Variants in FBN3 observed in about 807,000 individuals in gnomAD.
FBN3 encodes fibrillin 3, also known as fibrillin-3.
In FBN3, 234 loss-of-function variants were observed where a neutral mutation model predicts 330.1. The ratio of observed to expected loss-of-function variants is 0.71; its 90% CI spans 0.64 to 0.79. The LOEUF (loss-of-function observed/expected upper bound fraction) is 0.79. Among genes scored for constraint, FBN3 ranks in the 30% least tolerant of loss-of-function variants. The probability of loss-of-function intolerance (pLI) is 0.00; values close to 1 mark genes in which losing one functional copy is unlikely to be tolerated. For synonymous variants in FBN3, 1,458 were observed against 1,517.3 expected (o/e 0.96, Z 0.91); for missense variants, 3,606 against 3,886.9 (o/e 0.93, Z 1.92).
intron 59 of FBN3, among the ~76,000 whole-genome samples, chr19:8,076,792 C>T (rs1429573133): frequency 1.2e-4 from 19 of 152,148 alleles, no homozygotes; most frequent in Non-Finnish European, 1.5e-5. Flanking sequence ...GATAGGATCT[C>T]ATTCTGTCCC....
In FBN3 at chr19:8,096,177, ACCTAGCCCTG is replaced by A. The variant is rs1365875901; in HGVS notation, c.5540-107_5540-98del. On this transcript the variant is annotated intron_variant, in intron 44 of 63. Coordinates refer to ENST00000600128, the MANE Select transcript of FBN3 (RefSeq NM_032447.5). The surrounding 1 kb of genome is among the most constrained non-coding windows in gnomAD (Gnocchi z 4.6). ...GCTGGACCTAGCACTCCTCCCCTGC[ACCTAGCCCTG>A]CCTAGATGACTGGGCAGTGACCCCT... 1.0e-6 allele frequency: 1 copy of A among 986,170 alleles called. No individual in the cohort carries two copies. The highest frequency in any genetic ancestry group is 2.8e-4 in the Middle Eastern group (1 of 3,538). The allele number at this position is 986,170 out of a possible 1,614,324, so 61.1% of individuals were successfully genotyped here.
At chr19:8,093,300 C>T (rs537934634) in intron 47 of FBN3, among the ~76,000 whole-genome samples, 4 of 151,980 alleles carry the variant, frequency 2.6e-5, no homozygotes, top group Admixed American at 2.6e-4. Context: ...CCAGCCTGGC[C>T]ATCATGGTGA....
chr19:8,081,628 G>A (rs2081787511), intron 57 of FBN3, 148 bp from the exon 58 acceptor site: 3 of 868,972 alleles, frequency 3.5e-6, no homozygotes, highest in East Asian at 2.7e-5. Context: ...AAAGCCAGGT[G>A]GGAAATACAT....
At chr19:8,148,847 G>A (rs2083611716) in intron 1 of FBN3, 1 of 152,334 alleles carries the variant, frequency 6.6e-6, no homozygotes, top group African/African-American at 2.4e-5. Flanking sequence ...AGTTGTCCGG[G>A]TCAGTCCGCA....
Position 8,092,318 on chromosome 19 carries a change from A to G in FBN3, c.5906-728T>C, listed in dbSNP as rs1035429532. Among the ~76,000 whole-genome samples the G allele has an allele frequency of 3.3e-5, 5 of 152,162 alleles. No homozygotes were observed. The South Asian group carries it at 6.2e-4, about 19-fold the overall frequency. On this transcript the variant is annotated intron_variant, in intron 47 of 63. Coordinates refer to ENST00000600128, the MANE Select transcript of FBN3 (RefSeq NM_032447.5). ...CATGTTTATAGCAACACAATTCACA[A>G]TCGCAAAAATCTGGAGCCATCATAT...
rs1599347475 is a variant in FBN3, at chr19:8,103,250, G to A, written c.4939+312C>T. On this transcript the variant is annotated intron_variant, in intron 39 of 63. Coordinates refer to ENST00000600128, the MANE Select transcript of FBN3 (RefSeq NM_032447.5). ...CCACTGCACTCCAGCCTGGGTGACA[G>A]AGTGAGACTCTATCTCAAAAAAAAA... is the stretch of plus-strand genomic sequence containing the variant. Among the ~76,000 whole-genome samples, 7 of 132,598 alleles carry A rather than the reference G, an allele frequency of 5.3e-5. 1 individual carries two copies. The highest frequency in any genetic ancestry group is 2.0e-4 in the African/African-American group (7 of 35,580). The allele number at this position is 132,598 out of a possible 152,430, so 87.0% of individuals were successfully genotyped here.
At position 8,131,547 on chromosome 19, in the gene FBN3, T is replaced by C. The variant is rs2083147309; in HGVS notation, c.1990+7A>G. 1 of 1,599,832 alleles carries C rather than the reference T, an allele frequency of 6.3e-7. No homozygotes were observed. Among genetic ancestry groups the C allele is most frequent in the African/African-American group, 1.3e-5 (1 of 74,746 alleles). ...AGGCGATGGGGACCGGGCAGCCGGA[T>C]GCTCACCGGAGTCTTTGGCAGGACA... On this transcript the variant is annotated splice_region_variant and intron_variant, in intron 15 of 63. Coordinates refer to ENST00000600128, the MANE Select transcript of FBN3 (RefSeq NM_032447.5). The surrounding 1 kb of genome is among the most constrained non-coding windows in gnomAD (Gnocchi z 4.5).
chr19:8,131,400 C>A lies in FBN3; in HGVS notation c.1991-112G>T. 1 of 1,472,174 alleles carries A rather than the reference C, an allele frequency of 6.8e-7. No individual in the cohort carries two copies. The highest frequency in any genetic ancestry group is 9.3e-7 in the Non-Finnish European group (1 of 1,069,806). 91.2% of individuals were successfully genotyped at this position (1,472,174 alleles called of 1,614,324 possible). A position where few individuals can be genotyped will look rare whatever the true frequency, so the allele number is the denominator to read the frequency against. On this transcript the variant is annotated intron_variant, in intron 15 of 63. Transcript: ENST00000600128. The surrounding 1 kb of genome is among the most constrained non-coding windows in gnomAD (Gnocchi z 4.5). Reference sequence around the variant, plus strand: ...CTTGGGCAAGAGTTTGGGACTAAGACACAACTCCAACCCCGGGGAGGGAGC... The same window carrying A: ...CTTGGGCAAGAGTTTGGGACTAAGAAACAACTCCAACCCCGGGGAGGGAGC...
At chr19:8,066,618 C>G (rs538724373) in intron 63 of FBN3, among the ~76,000 whole-genome samples, 34 of 152,226 alleles carry the variant, frequency 2.2e-4, no homozygotes, top group African/African-American at 8.2e-4. Context: ...CAGTGGCTCA[C>G]GCCTGTAATC....
chr19:8,086,952 C>A, intron 54 of FBN3, 125 bp downstream of exon 54: 1 of 1,211,954 alleles, frequency 8.3e-7, no homozygotes, highest in South Asian at 1.5e-5. Context: ...GCGATCCTCT[C>A]GCCTCAGCCT....
chr19:8,073,021 T>G, intron 62 of FBN3, 42 bp downstream of exon 62: 2 of 1,233,280 alleles, frequency 1.6e-6, no homozygotes, highest in Non-Finnish European at 1.2e-6. Context: ...GCATGGACGC[T>G]TGCGGGGCAT....
Position 8,129,092 on chromosome 19 carries a change from A to G in FBN3, c.2232T>C (p.Pro744=). The G allele has an allele frequency of 6.2e-7, 1 of 1,603,556 alleles. No homozygotes were observed. The highest frequency in any genetic ancestry group is 8.5e-7 in the Non-Finnish European group (1 of 1,174,094). ...GGGGGCAGGAGCAGCTGTAGCTGCC[A>G]GGGCTATTCTGGCACCACCCGTTGT... ...LCDNGWCQNS[P]GSYSCSCPPG... is the part of the protein sequence containing the mutation. The change falls in exon 18 of 64, where the codon CCT becomes CCC. Residue 744 remains proline (P), a synonymous_variant. Transcript: ENST00000600128. This position sits in a 1 kb window ranked among gnomAD's most constrained non-coding sequence, Gnocchi z 4.5.
At chr19:8,125,849 G>A in intron 22 of FBN3, 43 bp downstream of exon 22, 1 of 1,556,006 alleles carries the variant, frequency 6.4e-7, no homozygotes, top group Admixed American at 2.2e-5. Context: ...AGGGAACAAA[G>A]GAAGAACGTG....
At position 8,115,743 on chromosome 19, in the gene FBN3, C is replaced by G. The variant is rs189525431; in HGVS notation, c.3713-103G>C. 3,127 of 1,359,652 alleles carry G rather than the reference C, an allele frequency of 2.3e-3. 12 individuals are homozygous for G. The highest frequency in any genetic ancestry group is 8.2e-3 in the South Asian group (639 of 78,064). The allele number at this position is 1,359,652 out of a possible 1,614,324, so 84.2% of individuals were successfully genotyped here. A position where few individuals can be genotyped will look rare whatever the true frequency, so the allele number is the denominator to read the frequency against. On this transcript the variant is annotated intron_variant, in intron 29 of 63. Transcript: ENST00000600128. ...AGATCACCAGCATTCCTGACTGTCC[C>G]GCCGCACAGGTCCTCTCTGCTAGGA... is the stretch of plus-strand genomic sequence containing the variant.
rs1280206078 is a variant in FBN3, at chr19:8,131,132, T to G, written c.2044+103A>C. The G allele has an allele frequency of 6.3e-6, 7 of 1,110,832 alleles. No individual in the cohort carries two copies. The highest frequency in any genetic ancestry group is 1.5e-5 in the African/African-American group (1 of 64,960). The allele number at this position is 1,110,832 out of a possible 1,614,324, so 68.8% of individuals were successfully genotyped here. A position where few individuals can be genotyped will look rare whatever the true frequency, so the allele number is the denominator to read the frequency against. On this transcript the variant is annotated intron_variant, in intron 16 of 63. Coordinates refer to ENST00000600128, the MANE Select transcript of FBN3 (RefSeq NM_032447.5). This position sits in a 1 kb window ranked among gnomAD's most constrained non-coding sequence, Gnocchi z 4.5. ...AAGCCGTCTGGTCTGGGGCACTTTG[T>G]TACGGGAACCCCGGGCCAACTCCTA...
In FBN3 at chr19:8,123,457, C is replaced by A. The variant is rs201473836; in HGVS notation, c.3082+7G>T. Reference sequence around the variant, plus strand: ...CGCTCTCTCCAAGAGGCAGAGGTGGCACCTACCTGTGCAGTTCCGTTCCTG... The same window carrying A: ...CGCTCTCTCCAAGAGGCAGAGGTGGAACCTACCTGTGCAGTTCCGTTCCTG... On this transcript the variant is annotated splice_region_variant and intron_variant, in intron 24 of 63. Transcript: ENST00000600128. 6.2e-6 allele frequency: 10 copies of A among 1,613,070 alleles called. No individual in the cohort carries two copies. The highest frequency in any genetic ancestry group is 6.8e-6 in the Non-Finnish European group (8 of 1,179,482).
chr19:8,139,832 A>G (rs1167844806), intron 8 of FBN3, among the ~76,000 whole-genome samples: 2 of 151,860 alleles, frequency 1.3e-5, no homozygotes, highest in East Asian at 2.0e-4. Context: ...GGTGGCCCAC[A>G]GTTTAAAAAA....
intron 14 of FBN3, 140 bp downstream of exon 14, chr19:8,132,844 C>T (rs767386262): frequency 1.1e-4 from 112 of 991,518 alleles, no homozygotes; most frequent in Non-Finnish European, 1.5e-4. Context: ...CCTCCTCCTC[C>T]TCTTTTTCTC....
chr19:8,079,955 C>T (rs1228272385), intron 59 of FBN3, among the ~76,000 whole-genome samples: 1 of 151,942 alleles, frequency 6.6e-6, no homozygotes, highest in Non-Finnish European at 1.5e-5. Context: ...AAGGAAAGTT[C>T]CATGATGGAA....
Sources: gnomAD v4.1 joint callset for allele counts (sites outside exome capture counted in the v4.1 genomes callset) on GRCh38, gnomAD v4.1.1 for gene constraint, Gnocchi (gnomAD v3.1) non-coding constraint, MANE v1.5 for transcripts, NCBI Gene and HGNC (gene_info 2026-07-23, HGNC 2026-07-21) for gene names.